Variants in RANBP2 observed in about 807,000 individuals in gnomAD.
The protein encoded by RANBP2 is E3 SUMO-protein ligase RanBP2.
Under a neutral mutation model 303.6 loss-of-function variants are expected in RANBP2, and 57 were observed. The ratio of observed to expected loss-of-function variants is 0.19; its 90% confidence interval spans 0.15 to 0.23. The LOEUF (loss-of-function observed/expected upper bound fraction) is 0.23. Among genes scored for constraint, RANBP2 ranks in the 10% least tolerant of loss-of-function variants. The probability of loss-of-function intolerance (pLI) is 1.00; values close to 1 mark genes in which losing one functional copy is unlikely to be tolerated. For missense variants in RANBP2, 3,138 were observed against 3,780.8 expected (o/e 0.83, Z 4.46); for synonymous variants, 1,167 against 1,301.5 (o/e 0.90, Z 2.23).
the RANBP2 span, among the ~76,000 whole-genome samples, chr2:109,339,918 C>T: frequency 1.3e-4 from 20 of 152,314 alleles, no homozygotes; most frequent in South Asian, 8.3e-4. Flanking sequence ...AGGCTTCCCT[C>T]GCCTTTTGGG....
At chr2:109,525,896 G>GGGTAATTT in the RANBP2 span, among the ~76,000 whole-genome samples, 2 of 152,178 alleles carry the variant, frequency 1.3e-5, no homozygotes, top group Non-Finnish European at 2.9e-5. Flanking sequence ...AGCAGATGGA[G>GGGTAATTT]GGTAATTTTC....
chr2:109,657,646 G>A, the RANBP2 span, among the ~76,000 whole-genome samples: 8 of 151,980 alleles, frequency 5.3e-5, no homozygotes, highest in East Asian at 1.2e-3. Context: ...TCTTTTAAGC[G>A]GGAGGAGGCA....
chr2:109,706,454 G>A, the RANBP2 span, among the ~76,000 whole-genome samples: 1 of 152,156 alleles, frequency 6.6e-6, no homozygotes, highest in Non-Finnish European at 1.5e-5. Context: ...AGTCTATGTG[G>A]CTACGTCCTT....
chr2:109,472,855 A>G, the RANBP2 span, among the ~76,000 whole-genome samples: 5 of 152,206 alleles, frequency 3.3e-5, no homozygotes, highest in Non-Finnish European at 7.3e-5. Context: ...GGGTCGTGAC[A>G]CACTCAGACA....
At chr2:109,370,688 G>A in the RANBP2 span, among the ~76,000 whole-genome samples, 1 of 151,982 alleles carries the variant, frequency 6.6e-6, no homozygotes, top group African/African-American at 2.4e-5. Flanking sequence ...CTTGGTACCT[G>A]TGACAGTGTC....
At chr2:108,912,465 G>A in the RANBP2 span, among the ~76,000 whole-genome samples, 9 of 152,218 alleles carry the variant, frequency 5.9e-5, no homozygotes, top group Middle Eastern at 3.4e-3. Context: ...ACCTCCCAGC[G>A]GTCCCAGGAC....
the RANBP2 span, among the ~76,000 whole-genome samples, chr2:109,077,405 G>T: frequency 1.1e-4 from 17 of 150,592 alleles, 1 homozygote; most frequent in African/African-American, 3.1e-4. Flanking sequence ...TCTTGGCAAT[G>T]ATTTTTTTGG....
At chr2:109,521,634 C>T in the RANBP2 span, among the ~76,000 whole-genome samples, 1 of 152,172 alleles carries the variant, frequency 6.6e-6, no homozygotes, top group South Asian at 2.1e-4. Context: ...TTATTTCCAC[C>T]CCTTTATTTG....
At chr2:109,435,769 G>T in the RANBP2 span, among the ~76,000 whole-genome samples, 1 of 152,240 alleles carries the variant, frequency 6.6e-6, no homozygotes, top group Non-Finnish European at 1.5e-5. Context: ...ACTTTATTTA[G>T]TTTTTAAAAA....
At chr2:109,033,893 C>T in the RANBP2 span, among the ~76,000 whole-genome samples, 1,986 of 145,952 alleles carry the variant, frequency 0.014, 21 homozygotes, top group East Asian at 0.033. Context: ...GAGGCAGAGG[C>T]TGCAGTGAGC....
chr2:109,372,771 T>G, the RANBP2 span, among the ~76,000 whole-genome samples: 1 of 152,202 alleles, frequency 6.6e-6, no homozygotes, highest in Admixed American at 6.5e-5. Context: ...CTCAGCTCAG[T>G]GCTGGGCTCC....
the RANBP2 span, among the ~76,000 whole-genome samples, chr2:108,865,920 T>A: frequency 6.6e-6 from 1 of 152,114 alleles, no homozygotes; most frequent in African/African-American, 2.4e-5. Context: ...TAAACCAGTT[T>A]TCTGGGTAGT....
chr2:109,065,740 C>T, the RANBP2 span, among the ~76,000 whole-genome samples: 1 of 152,200 alleles, frequency 6.6e-6, no homozygotes, highest in Non-Finnish European at 1.5e-5. Context: ...TGTTAGGAAA[C>T]CTTGTGCAAA....
chr2:109,289,048 C>G, the RANBP2 span, among the ~76,000 whole-genome samples: 2 of 152,206 alleles, frequency 1.3e-5, no homozygotes, highest in African/African-American at 2.4e-5. Context: ...CGTTTGTCAA[C>G]TGTTCCTGGA....
the RANBP2 span, among the ~76,000 whole-genome samples, chr2:109,174,337 G>A: frequency 1.3e-5 from 2 of 152,256 alleles, no homozygotes; most frequent in Admixed American, 1.3e-4. Flanking sequence ...TGCTTCCTGT[G>A]TACCAGACTG....
the RANBP2 span, among the ~76,000 whole-genome samples, chr2:109,174,034 C>G: frequency 1.3e-5 from 2 of 152,236 alleles, no homozygotes; most frequent in African/African-American, 2.4e-5. Flanking sequence ...AGAGAACACA[C>G]AGCAGTGCGG....
At chr2:109,217,773 C>T in the RANBP2 span, among the ~76,000 whole-genome samples, 4 of 152,188 alleles carry the variant, frequency 2.6e-5, no homozygotes, top group African/African-American at 4.8e-5. Flanking sequence ...ATTCTTCTCC[C>T]GCCTGCATCT....
At chr2:109,231,896 G>T in the RANBP2 span, among the ~76,000 whole-genome samples, 2 of 152,108 alleles carry the variant, frequency 1.3e-5, no homozygotes, top group African/African-American at 4.8e-5. Flanking sequence ...CATGTAATTT[G>T]CCCTTTTAAA....
the RANBP2 span, among the ~76,000 whole-genome samples, chr2:109,693,775 T>C: frequency 6.6e-6 from 1 of 152,192 alleles, no homozygotes; most frequent in Non-Finnish European, 1.5e-5. Flanking sequence ...AATATGTTGA[T>C]TGATGTCTCA....
Sources: gnomAD v4.1 joint callset for allele counts (sites outside exome capture counted in the v4.1 genomes callset) on GRCh38, gnomAD v4.1.1 for gene constraint, MANE v1.5 for transcripts, NCBI Gene and HGNC (gene_info 2026-07-23, HGNC 2026-07-21) for gene names.